Variants in CRY1 observed in about 807,000 individuals in gnomAD.
CRY1 encodes cryptochrome circadian regulator 1.
CRY1 carries 45 observed loss-of-function variants against 76.0 expected under a neutral mutation model. The ratio of observed to expected loss-of-function variants is 0.59; its 90% confidence interval spans 0.47 to 0.76. The LOEUF is 0.76. CRY1 is among the 30% of genes least tolerant of loss of function. The pLI, the probability that CRY1 is intolerant of heterozygous loss-of-function variation, is 0.00. For synonymous variants in CRY1, 248 were observed against 244.0 expected, an observed-to-expected ratio of 1.02 and a Z score of -0.15; for missense variants, 587 against 716.4, an observed-to-expected ratio of 0.82 and a Z score of 2.06.
At chr12:107,032,136 G>A (rs948381270) in intron 1 of CRY1, among the ~76,000 whole-genome samples, 5 of 151,908 alleles carry the variant, frequency 3.3e-5, no homozygotes, top group Non-Finnish European at 7.4e-5. Context: ...GTTTCGCCAC[G>A]TTGGCCAGGC....
chr12:107,021,979 A>C, intron 2 of CRY1, 105 bp downstream of exon 2: 1 of 865,644 alleles, frequency 1.2e-6, no homozygotes, highest in East Asian at 2.8e-5. Context: ...TTTACTTGAA[A>C]ATACTTATAT....
rs188142523 is a variant in CRY1, at chr12:107,056,334, T to C, written c.159-34142A>G. On this transcript the variant is annotated intron_variant, in intron 1 of 12. Transcript: ENST00000008527. The stretch of plus-strand genomic sequence containing the variant: ...ATATAAATAAAAAGTAAAGAATTTA[T>C]AGGCTGTAAGCACTGGCCAGCCCTT... Among the ~76,000 whole-genome samples the C allele has an allele frequency of 7.9e-5, 12 of 152,324 alleles. No homozygotes were observed. In the East Asian group the frequency reaches 2.1e-3, roughly 27 times the overall value.
At chr12:107,067,765 C>T (rs1953130105) in intron 1 of CRY1, among the ~76,000 whole-genome samples, 1 of 152,046 alleles carries the variant, frequency 6.6e-6, no homozygotes, top group Non-Finnish European at 1.5e-5. Context: ...AGACAATGAA[C>T]AGGAGTCTGT....
chr12:107,073,005 T>C (rs1055153488), intron 1 of CRY1: 1 of 152,134 alleles, frequency 6.6e-6, no homozygotes, highest in Non-Finnish European at 1.5e-5. Context: ...AAAATGATCA[T>C]CATTTGGGGA....
rs73386648 is a variant in CRY1, at chr12:107,041,240, C to T, written c.159-19048G>A. ...AAAATTCTACTCCTTAGAATCTCCA[C>T]CATTTAATGAGATTAAAATACACAA... On this transcript the variant is annotated intron_variant, in intron 1 of 12. Transcript: ENST00000008527. 3.5e-3 allele frequency among the ~76,000 whole-genome samples: 540 copies of T among 152,204 alleles called. 7 individuals carry two copies. Among genetic ancestry groups the T allele is most frequent in the African/African-American group, 0.011 (475 of 41,514 alleles).
At chr12:107,054,376 A>C (rs1952958608) in intron 1 of CRY1, among the ~76,000 whole-genome samples, 1 of 151,650 alleles carries the variant, frequency 6.6e-6, no homozygotes, top group Admixed American at 6.6e-5. Context: ...TTAATTAATA[A>C]ATTTATTAAG....
chr12:107,026,643 T>C (rs191847778), intron 1 of CRY1, among the ~76,000 whole-genome samples: 2 of 152,254 alleles, frequency 1.3e-5, no homozygotes, highest in East Asian at 3.9e-4. Context: ...TCAAATGACC[T>C]AGTAGGGGTG....
intron 1 of CRY1, among the ~76,000 whole-genome samples, chr12:107,048,335 C>T (rs1952874204): frequency 6.6e-6 from 1 of 152,184 alleles, no homozygotes; most frequent in East Asian, 1.9e-4. Context: ...CCACCTCGGC[C>T]TCCCAAAGTG....
At position 106,991,623 on chromosome 12, in the gene CRY1, C is replaced by T. The variant is rs1041140476; in HGVS notation, c.*379G>A. On this transcript the variant is annotated 3_prime_UTR_variant, in exon 13 of 13. Transcript: ENST00000008527. Reference sequence around the variant, plus strand: ...AGAAAATTCTGTCCTAAAATTTTAACGTCTTTTAAGAAAGTCTAAAAACCT... The same window carrying T: ...AGAAAATTCTGTCCTAAAATTTTAATGTCTTTTAAGAAAGTCTAAAAACCT... 18 of 152,656 alleles carry T rather than the reference C, an allele frequency of 1.2e-4. No individual in the cohort carries two copies. The highest frequency in any genetic ancestry group is 3.1e-4 in the African/African-American group (13 of 41,562). 9.5% of individuals were successfully genotyped at this position (152,656 alleles called of 1,614,324 possible).
At chr12:107,076,957 T>C (rs1454480948) in intron 1 of CRY1, among the ~76,000 whole-genome samples, 1 of 152,204 alleles carries the variant, frequency 6.6e-6, no homozygotes, top group Non-Finnish European at 1.5e-5. Context: ...GTAACCTTCC[T>C]GAGGCTCCCC....
intron 1 of CRY1, among the ~76,000 whole-genome samples, chr12:107,081,536 C>T (rs1287779814): frequency 1.3e-5 from 2 of 151,970 alleles, no homozygotes; most frequent in African/African-American, 4.8e-5. Context: ...CGTTTTCCCC[C>T]CACTGGAATA....
At chr12:107,027,640 C>G (rs1292651504) in intron 1 of CRY1, among the ~76,000 whole-genome samples, 1 of 152,124 alleles carries the variant, frequency 6.6e-6, no homozygotes, top group Non-Finnish European at 1.5e-5. Flanking sequence ...CCAGAGATCA[C>G]TATCTATTGC....
At chr12:107,090,096 C>CTT (rs539057956) in intron 1 of CRY1, among the ~76,000 whole-genome samples, 96 of 146,340 alleles carry the variant, frequency 6.6e-4, no homozygotes, top group African/African-American at 2.3e-3. Flanking sequence ...TTTTCTTTTT[C>CTT]TTTTTTTTTT....
intron 2 of CRY1, among the ~76,000 whole-genome samples, chr12:107,018,157 A>C (rs1390245899): frequency 3.9e-5 from 6 of 152,278 alleles, no homozygotes; most frequent in Admixed American, 3.9e-4. Flanking sequence ...AACTTAAAAA[A>C]GCATAATATA....
chr12:106,999,488 T>C, intron 7 of CRY1, 63 bp downstream of exon 7: 1 of 1,434,756 alleles, frequency 7.0e-7, no homozygotes, highest in Non-Finnish European at 9.4e-7. Context: ...ACTTCTAGGA[T>C]TTGTTTTATT....
At chr12:106,997,822 C>T (rs1210123044) in intron 8 of CRY1, 93 bp downstream of exon 8, 1 of 1,541,226 alleles carries the variant, frequency 6.5e-7, no homozygotes, top group African/African-American at 1.4e-5. Flanking sequence ...TGCTGCCCAT[C>T]ATGAGTGGGG....
intron 12 of CRY1, chr12:106,992,327 A>G (rs1422009457): frequency 6.6e-6 from 1 of 152,670 alleles, no homozygotes; most frequent in Non-Finnish European, 1.5e-5. Context: ...ATTTTGAACT[A>G]TTCCCAAATT....
At chr12:107,091,595 C>A (rs1182361773) in intron 1 of CRY1, among the ~76,000 whole-genome samples, 1 of 152,192 alleles carries the variant, frequency 6.6e-6, no homozygotes, top group African/African-American at 2.4e-5. Flanking sequence ...TACTTCTCTG[C>A]TCATAATCCT....
intron 1 of CRY1, among the ~76,000 whole-genome samples, chr12:107,055,662 A>G (rs1337716758): frequency 1.3e-5 from 2 of 152,102 alleles, no homozygotes; most frequent in Non-Finnish European, 2.9e-5. Context: ...AAACTAACCA[A>G]CCTCTGATGA....
Sources: gnomAD v4.1 joint callset for allele counts (sites outside exome capture counted in the v4.1 genomes callset) on GRCh38, gnomAD v4.1.1 for gene constraint, MANE v1.5 for transcripts, NCBI Gene and HGNC (gene_info 2026-07-23, HGNC 2026-07-21) for gene names.